The following CTNNA2 variants were observed in gnomAD, a reference collection of about 807,000 sequenced individuals.
The protein encoded by CTNNA2 is catenin alpha-2.
In CTNNA2, 42 loss-of-function variants were observed where a neutral mutation model predicts 101.0. That is an observed-to-expected ratio of 0.42 (90% CI 0.32 to 0.54). The LOEUF is 0.54. CTNNA2 is among the 20% of genes least tolerant of loss of function. The pLI, the probability that CTNNA2 is intolerant of heterozygous loss-of-function variation, is 0.14. For missense variants in CTNNA2, 871 were observed against 1,223.1 expected (o/e 0.71, Z 4.29); for synonymous variants, 450 against 456.4 (o/e 0.99, Z 0.18).
intron 3 of CTNNA2, among the ~76,000 whole-genome samples, chr2:79,843,678 C>G (rs1358073305): frequency 6.6e-6 from 1 of 152,164 alleles, no homozygotes; most frequent in East Asian, 1.9e-4. Context: ...CCAGCCATAC[C>G]TTTAAACTCC....
intron 3 of CTNNA2, among the ~76,000 whole-genome samples, chr2:79,373,364 C>G (rs1677914708): frequency 6.6e-6 from 1 of 152,158 alleles, no homozygotes; most frequent in Non-Finnish European, 1.5e-5. Flanking sequence ...CCTCTAGAAC[C>G]TTATACTCCC....
intron 4 of CTNNA2, among the ~76,000 whole-genome samples, chr2:79,433,925 G>A (rs770591042): frequency 4.6e-5 from 7 of 152,100 alleles, no homozygotes; most frequent in Non-Finnish European, 7.3e-5. Context: ...TGCTAAAGAA[G>A]CCAAGCAATA....
chr2:79,707,730 A>G (rs1685477305), intron 2 of CTNNA2, among the ~76,000 whole-genome samples: 1 of 152,190 alleles, frequency 6.6e-6, no homozygotes, highest in Admixed American at 6.5e-5. Flanking sequence ...GTTCCAGTGC[A>G]CTGTCTTCCT....
chr2:79,460,761 C>G (rs764743963), intron 4 of CTNNA2, among the ~76,000 whole-genome samples: 12 of 152,324 alleles, frequency 7.9e-5, no homozygotes, highest in Middle Eastern at 6.8e-3. Context: ...GTCAACACTA[C>G]ATACACCAGG....
chr2:79,539,479 T>G (rs1011596795), intron 1 of CTNNA2, among the ~76,000 whole-genome samples: 1 of 152,220 alleles, frequency 6.6e-6, no homozygotes, highest in Non-Finnish European at 1.5e-5. Flanking sequence ...GAAGCAGTAA[T>G]GTGAATTCTA....
chr2:79,328,381 A>G (rs1676794870), intron 3 of CTNNA2, among the ~76,000 whole-genome samples: 1 of 152,192 alleles, frequency 6.6e-6, no homozygotes, highest in Non-Finnish European at 1.5e-5. Context: ...AGGCAGTAGA[A>G]TTGAGAAATG....
intron 7 of CTNNA2, among the ~76,000 whole-genome samples, chr2:80,178,631 T>G (rs1039051802): frequency 3.3e-5 from 5 of 152,266 alleles, no homozygotes; most frequent in Admixed American, 2.0e-4. Context: ...TGGACCCCAC[T>G]CAAAACTGGC....
chr2:79,462,645 C>A (rs896840300), intron 4 of CTNNA2, among the ~76,000 whole-genome samples: 4 of 152,092 alleles, frequency 2.6e-5, no homozygotes, highest in Non-Finnish European at 4.4e-5. Flanking sequence ...TAGCATAGTA[C>A]CTGCTGCAGA....
At chr2:80,205,515 A>G (rs1666878838) in intron 7 of CTNNA2, among the ~76,000 whole-genome samples, 1 of 152,238 alleles carries the variant, frequency 6.6e-6, no homozygotes, top group South Asian at 2.1e-4. Flanking sequence ...GAAGATGGAT[A>G]ATTTATGGTG....
chr2:79,697,284 C>A (rs1684708892), intron 2 of CTNNA2, among the ~76,000 whole-genome samples: 1 of 152,008 alleles, frequency 6.6e-6, no homozygotes, highest in African/African-American at 2.4e-5. Flanking sequence ...GAGCTGCCGT[C>A]TGAAGTCAGT....
intron 9 of CTNNA2, among the ~76,000 whole-genome samples, chr2:80,426,406 G>A (rs1680997129): frequency 6.6e-6 from 1 of 152,004 alleles, no homozygotes; most frequent in Non-Finnish European, 1.5e-5. Context: ...TCCTTCCATT[G>A]CTTGCCTGCT....
chr2:80,512,327 G>A (rs1284767539), intron 9 of CTNNA2, among the ~76,000 whole-genome samples: 1 of 151,996 alleles, frequency 6.6e-6, no homozygotes, highest in African/African-American at 2.4e-5. Context: ...AAGGAATATA[G>A]GGCATGGAAC....
intron 4 of CTNNA2, among the ~76,000 whole-genome samples, chr2:79,407,565 G>A (rs1412107118): frequency 6.6e-6 from 1 of 151,948 alleles, no homozygotes; most frequent in Non-Finnish European, 1.5e-5. Context: ...TACCTGTCAT[G>A]CTCTTACCCT....
rs527293944 is a variant in CTNNA2 at position 79,698,526 on chromosome 2, A to G, written c.103-45861A>G. Reference sequence around the variant, plus strand: ...ATTTAAAAATGATTATACGTGCAATATAATTGTTTAGTCCAGAGGGGTGCC... The same window carrying G: ...ATTTAAAAATGATTATACGTGCAATGTAATTGTTTAGTCCAGAGGGGTGCC... On this transcript the variant is annotated intron_variant, in intron 2 of 18. Transcript: ENST00000402739. 2.0e-5 allele frequency among the ~76,000 whole-genome samples: 3 copies of G among 152,220 alleles called. No individual in the cohort carries two copies. The South Asian group carries it at 6.2e-4, about 32-fold the overall frequency.
rs562561790 is a variant in CTNNA2 at position 80,019,647 on chromosome 2, G to C, written c.1056+109850G>C. On this transcript the variant is annotated intron_variant, in intron 7 of 18. Coordinates refer to ENST00000402739, the MANE Select transcript of CTNNA2 (RefSeq NM_001282597.3). The stretch of plus-strand genomic sequence containing the variant: ...CCATTTACTTTTATTTGTGACTGAC[G>C]GATTGCCATCTTTGTCAACCATCAC... Among the ~76,000 whole-genome samples the C allele has an allele frequency of 1.6e-3, 246 of 152,150 alleles. 5 individuals are homozygous for C. Among genetic ancestry groups the C allele is most frequent in the Non-Finnish European group, 5.6e-4 (38 of 68,012 alleles).
chr2:80,546,161 C>T (rs1029301727), intron 11 of CTNNA2, 98 bp downstream of exon 11: 89 of 1,439,946 alleles, frequency 6.2e-5, no homozygotes, highest in Admixed American at 2.7e-4. Context: ...GTGTTTCAGG[C>T]GCACTCCTTA....
intron 3 of CTNNA2, among the ~76,000 whole-genome samples, chr2:79,793,887 T>TACACAC (rs1675480476): frequency 1.5e-4 from 13 of 87,334 alleles, no homozygotes; most frequent in Admixed American, 1.4e-3. Flanking sequence ...CACACACTCA[T>TACACAC]GCACACACAC....
At chr2:79,817,570 G>A (rs1218718439) in intron 3 of CTNNA2, among the ~76,000 whole-genome samples, 2 of 151,920 alleles carry the variant, frequency 1.3e-5, no homozygotes, top group Non-Finnish European at 2.9e-5. Flanking sequence ...TGTCTGTGTT[G>A]GGTTTTCCTC....
chr2:79,726,830 G>A (rs1686875296), intron 2 of CTNNA2, among the ~76,000 whole-genome samples: 1 of 152,142 alleles, frequency 6.6e-6, no homozygotes, highest in African/African-American at 2.4e-5. Flanking sequence ...ATAAAATGAT[G>A]GTTAGAACAT....
Sources: allele counts gnomAD v4.1 joint callset (sites outside exome capture counted in the v4.1 genomes callset), GRCh38; gene constraint gnomAD v4.1.1; transcripts MANE v1.5; gene names NCBI Gene and HGNC (gene_info 2026-07-23, HGNC 2026-07-21).